Variants in MAP3K20 observed in about 807,000 individuals in gnomAD.
MAP3K20 encodes HCCS-4.
In MAP3K20, 40 loss-of-function variants were observed where a neutral mutation model predicts 85.7. The ratio of observed to expected loss-of-function variants is 0.47; its 90% CI spans 0.36 to 0.61. The LOEUF is 0.61. Ranked by LOEUF, MAP3K20 falls within the 20% of genes least tolerant of loss-of-function variation. The pLI is 0.00. For missense variants in MAP3K20, 817 were observed against 961.7 expected, an observed-to-expected ratio of 0.85 and a Z score of 1.99; for synonymous variants, 325 against 327.7, an observed-to-expected ratio of 0.99 and a Z score of 0.09.
intron 14 of MAP3K20, among the ~76,000 whole-genome samples, chr2:173,236,688 A>T (rs962578253): frequency 6.6e-6 from 1 of 152,190 alleles, no homozygotes; most frequent in Non-Finnish European, 1.5e-5. Context: ...ACTCAGCCAG[A>T]GCATGGGGAT....
intron 2 of MAP3K20, among the ~76,000 whole-genome samples, chr2:173,139,371 C>T (rs929512468): frequency 1.1e-4 from 17 of 152,176 alleles, no homozygotes; most frequent in Non-Finnish European, 5.9e-5. Flanking sequence ...ACTCAGTAGC[C>T]TCCTGGGCCA....
Position 173,228,245 on chromosome 2 carries a change from CCTGT to C in MAP3K20, c.988-1440_988-1437del, listed in dbSNP as rs531973063. ...TGGGTTTTTCCGCTTGCCTTCCCAC[CCTGT>C]CTGCCTCATTTACCCTTTTTCCTCC... On this transcript the variant is annotated intron_variant, in intron 11 of 19. Coordinates refer to ENST00000375213, the MANE Select transcript of MAP3K20 (RefSeq NM_016653.3). Among the ~76,000 whole-genome samples the C allele has an allele frequency of 1.2e-3, 186 of 152,254 alleles. 1 individual carries two copies. Among genetic ancestry groups the C allele is most frequent in the African/African-American group, 3.8e-3 (158 of 41,544 alleles).
intron 13 of MAP3K20, 48 bp downstream of exon 13, chr2:173,232,270 T>G (rs769857028): frequency 1.9e-6 from 3 of 1,614,114 alleles, no homozygotes; most frequent in Non-Finnish European, 2.5e-6. Context: ...AACTTTGTTT[T>G]GGATGTGATT....
At chr2:173,253,926 C>G (rs1004147218) in intron 16 of MAP3K20, among the ~76,000 whole-genome samples, 1 of 151,848 alleles carries the variant, frequency 6.6e-6, no homozygotes, top group African/African-American at 2.4e-5. Context: ...GCGAAATTAG[C>G]CGGGCATGGT....
intron 16 of MAP3K20, among the ~76,000 whole-genome samples, chr2:173,246,807 A>G (rs1296887787): frequency 6.6e-6 from 1 of 152,158 alleles, no homozygotes; most frequent in Non-Finnish European, 1.5e-5. Flanking sequence ...GACTGAGGTT[A>G]GGGGAAAAGT....
chr2:173,212,462 G>A (rs1559281857), intron 10 of MAP3K20: 2 of 152,044 alleles, frequency 1.3e-5, no homozygotes, highest in African/African-American at 2.4e-5. Flanking sequence ...TATTACCGAA[G>A]GGATTAGTAA....
chr2:173,125,788 G>A (rs528811688), intron 2 of MAP3K20, among the ~76,000 whole-genome samples: 1 of 152,090 alleles, frequency 6.6e-6, no homozygotes, highest in South Asian at 2.1e-4. Flanking sequence ...TCAGTCTCCT[G>A]AGTAGCTGGG....
chr2:173,162,383 C>G (rs1689684242), intron 2 of MAP3K20, among the ~76,000 whole-genome samples: 1 of 151,974 alleles, frequency 6.6e-6, no homozygotes, highest in Non-Finnish European at 1.5e-5. Flanking sequence ...AAATGATAGA[C>G]TCCTACAATT....
At chr2:173,136,462 A>G (rs983491577) in intron 2 of MAP3K20, among the ~76,000 whole-genome samples, 2 of 152,212 alleles carry the variant, frequency 1.3e-5, no homozygotes, top group African/African-American at 4.8e-5. Flanking sequence ...GGCATTTTGG[A>G]TTGTGTTCTC....
intron 2 of MAP3K20, among the ~76,000 whole-genome samples, chr2:173,129,474 C>T (rs902669456): frequency 2.6e-5 from 4 of 152,062 alleles, no homozygotes; most frequent in African/African-American, 9.7e-5. Context: ...TGTAATACAG[C>T]CCCAGTGTCA....
intron 2 of MAP3K20, among the ~76,000 whole-genome samples, chr2:173,159,688 CCTTA>C (rs909927010): frequency 2.6e-5 from 4 of 152,306 alleles, no homozygotes; most frequent in African/African-American, 9.6e-5. Flanking sequence ...CCACACCTGG[CCTTA>C]CTTTTTCATG....
At chr2:173,157,704 C>T (rs995996871) in intron 2 of MAP3K20, among the ~76,000 whole-genome samples, 2 of 152,160 alleles carry the variant, frequency 1.3e-5, no homozygotes, top group African/African-American at 2.4e-5. Context: ...GAGAGAGTGC[C>T]TCCTGCTGTG....
chr2:173,182,810 G>T, intron 3 of MAP3K20, 44 bp from the exon 4 acceptor site: 1 of 1,328,000 alleles, frequency 7.5e-7, no homozygotes, highest in East Asian at 2.5e-5. Context: ...TTTCTGAAAT[G>T]TATCTTGATT....
chr2:173,224,807 G>A, intron 11 of MAP3K20: 1 of 984,960 alleles, frequency 1.0e-6, no homozygotes, highest in Non-Finnish European at 1.2e-6. Flanking sequence ...AGATCATTTG[G>A]AAGACTTTAG....
chr2:173,208,841 A>G (rs1253255897), intron 9 of MAP3K20, among the ~76,000 whole-genome samples: 1 of 152,238 alleles, frequency 6.6e-6, no homozygotes, highest in Non-Finnish European at 1.5e-5. Context: ...TGATGAAGAG[A>G]GAATGTGCAT....
At chr2:173,124,311 A>T (rs2106191603) in intron 2 of MAP3K20, among the ~76,000 whole-genome samples, 1 of 151,764 alleles carries the variant, frequency 6.6e-6, no homozygotes, top group East Asian at 1.9e-4. Context: ...GGTAAAAGAG[A>T]CTCTAAAGTA....
chr2:173,117,624 G>T (rs1688162762), intron 2 of MAP3K20, among the ~76,000 whole-genome samples: 1 of 151,542 alleles, frequency 6.6e-6, no homozygotes, highest in African/African-American at 2.4e-5. Context: ...ATTTTTAATT[G>T]CACGAAAAGA....
chr2:173,161,434 G>A (rs936490546), intron 2 of MAP3K20, among the ~76,000 whole-genome samples: 11 of 152,142 alleles, frequency 7.2e-5, no homozygotes, highest in African/African-American at 2.2e-4. Flanking sequence ...CTCACTGTAC[G>A]GTTCAGGGTT....
At chr2:173,261,234 C>A (rs1431622347) in intron 18 of MAP3K20, 97 bp downstream of exon 18, 3 of 1,256,294 alleles carry the variant, frequency 2.4e-6, no homozygotes, top group Admixed American at 4.2e-5. Flanking sequence ...GGGAGATATA[C>A]CCAGAGCATA....
Sources: allele counts gnomAD v4.1 joint callset (sites outside exome capture counted in the v4.1 genomes callset), GRCh38; gene constraint gnomAD v4.1.1; transcripts MANE v1.5; gene names NCBI Gene and HGNC (gene_info 2026-07-23, HGNC 2026-07-21).